The following ADGRG6 variants were observed in gnomAD, a reference collection of about 807,000 sequenced individuals.
The protein encoded by ADGRG6 is adhesion G protein-coupled receptor G6, also known as G-protein coupled receptor 126.
A neutral mutation model predicts 142.4 loss-of-function variants in ADGRG6; 84 were observed. That is an observed-to-expected ratio of 0.59 (90% CI 0.49 to 0.71). The LOEUF is 0.71. Among genes scored for constraint, ADGRG6 ranks in the 30% least tolerant of loss-of-function variants. ADGRG6 has a pLI of 0.00. For synonymous variants in ADGRG6, 521 were observed against 520.5 expected, an observed-to-expected ratio of 1.00 and a Z score of -0.01; for missense variants, 1,367 against 1,466.6, an observed-to-expected ratio of 0.93 and a Z score of 1.11.
At chr6:142,339,321 A>C (rs1779504376) in intron 2 of ADGRG6, among the ~76,000 whole-genome samples, 2 of 152,244 alleles carry the variant, frequency 1.3e-5, no homozygotes, top group South Asian at 4.1e-4. Context: ...GAATGCTTCC[A>C]GAAAAGCTGG....
intron 4 of ADGRG6, among the ~76,000 whole-genome samples, chr6:142,378,478 C>G (rs577778305): frequency 2.6e-5 from 4 of 152,264 alleles, no homozygotes; most frequent in African/African-American, 9.6e-5. Context: ...TAAGTACCTA[C>G]AAAAGGGAGG....
At chr6:142,414,650 C>A (rs896741987) in intron 18 of ADGRG6, among the ~76,000 whole-genome samples, 4 of 152,146 alleles carry the variant, frequency 2.6e-5, no homozygotes, top group Admixed American at 2.0e-4. Flanking sequence ...TTATGCAAGG[C>A]AACCGTCTCC....
chr6:142,408,295 T>G, intron 16 of ADGRG6, 26 bp downstream of exon 16: 1 of 1,508,292 alleles, frequency 6.6e-7, no homozygotes, highest in Admixed American at 2.1e-5. Flanking sequence ...CAATAGCATT[T>G]GGACAGAAGT....
chr6:142,393,198 A>G (rs891748249), intron 8 of ADGRG6, among the ~76,000 whole-genome samples, 198 bp downstream of exon 8: 6 of 152,130 alleles, frequency 3.9e-5, no homozygotes, highest in Non-Finnish European at 2.9e-5. Flanking sequence ...AACTGTTTTG[A>G]TCATGCATTA....
intron 4 of ADGRG6, among the ~76,000 whole-genome samples, chr6:142,376,945 C>CT (rs34962389): frequency 1.3e-5 from 2 of 152,286 alleles, no homozygotes; most frequent in South Asian, 4.1e-4. Context: ...ACACATCAGT[C>CT]TTTTTTACCA....
At chr6:142,413,464 A>G (rs1296270149) in intron 18 of ADGRG6, among the ~76,000 whole-genome samples, 8 of 152,314 alleles carry the variant, frequency 5.3e-5, no homozygotes, top group Non-Finnish European at 4.4e-5. Flanking sequence ...TTCATTCTCT[A>G]AAAGAACAAA....
intron 2 of ADGRG6, among the ~76,000 whole-genome samples, chr6:142,359,479 T>A (rs1401520553): frequency 6.6e-6 from 1 of 152,174 alleles, no homozygotes; most frequent in Non-Finnish European, 1.5e-5. Context: ...CCCAGGACAC[T>A]CTTTTCTGTT....
intron 21 of ADGRG6, among the ~76,000 whole-genome samples, chr6:142,418,260 G>A (rs1776469324): frequency 7.4e-6 from 1 of 135,378 alleles, no homozygotes; most frequent in Admixed American, 8.0e-5. Context: ...ATTGCACCAT[G>A]AACTCCAGCC....
intron 22 of ADGRG6, among the ~76,000 whole-genome samples, chr6:142,424,879 A>C (rs1217457974): frequency 1.3e-5 from 2 of 152,188 alleles, no homozygotes; most frequent in Non-Finnish European, 2.9e-5. Flanking sequence ...ATGTGTTACA[A>C]AAAAACATGA....
At chr6:142,318,256 TATTTA>T in intron 2 of ADGRG6, among the ~76,000 whole-genome samples, 2 of 70,646 alleles carry the variant, frequency 2.8e-5, no homozygotes, top group Non-Finnish European at 4.8e-5. Flanking sequence ...ATATTATATA[TATTTA>T]TTATATATAT....
At chr6:142,426,935 C>A (rs965105720) in intron 22 of ADGRG6, among the ~76,000 whole-genome samples, 1 of 152,094 alleles carries the variant, frequency 6.6e-6, no homozygotes, top group African/African-American at 2.4e-5. Context: ...TCACCAAGTC[C>A]CTAGACTGTA....
At chr6:142,336,501 A>G (rs1027621296) in intron 2 of ADGRG6, among the ~76,000 whole-genome samples, 1 of 152,276 alleles carries the variant, frequency 6.6e-6, no homozygotes, top group African/African-American at 2.4e-5. Flanking sequence ...AAATAACCAC[A>G]GCCCTTGGTT....
chr6:142,361,142 G>A (rs1416987279), intron 2 of ADGRG6, among the ~76,000 whole-genome samples: 1 of 152,154 alleles, frequency 6.6e-6, no homozygotes, highest in Non-Finnish European at 1.5e-5. Flanking sequence ...GTTCCCTTCA[G>A]GTCAGGCGTT....
intron 22 of ADGRG6, among the ~76,000 whole-genome samples, chr6:142,429,769 T>C (rs919998249): frequency 2.6e-5 from 4 of 152,320 alleles, no homozygotes; most frequent in Middle Eastern, 3.4e-3. Context: ...ACTCCAGAAC[T>C]GATCAGGTGT....
Position 142,326,301 on chromosome 6 carries a change from T to G in ADGRG6, c.103+16657T>G, listed in dbSNP as rs555174818. 1.5e-3 allele frequency among the ~76,000 whole-genome samples: 220 copies of G among 150,276 alleles called. 2 individuals are homozygous for G. Among genetic ancestry groups the G allele is most frequent in the Middle Eastern group, 6.9e-3 (2 of 290 alleles). On this transcript the variant is annotated intron_variant, in intron 2 of 24. Coordinates refer to ENST00000367609, the MANE Select transcript of ADGRG6 (RefSeq NM_198569.3). ...AACTTTATTGTTTCTCTGCATGTCC[T>G]CCCAGCAAAAAAAAAAAAAGATTTT...
At chr6:142,427,369 AAG>A (rs1776995649) in intron 22 of ADGRG6, among the ~76,000 whole-genome samples, 1 of 152,186 alleles carries the variant, frequency 6.6e-6, no homozygotes, top group Non-Finnish European at 1.5e-5. Flanking sequence ...GCTAAAACAC[AAG>A]AGTCACCTTT....
intron 15 of ADGRG6, among the ~76,000 whole-genome samples, chr6:142,407,777 A>G (rs895506880): frequency 8.5e-5 from 13 of 152,354 alleles, no homozygotes; most frequent in Middle Eastern, 6.8e-3. Flanking sequence ...CTTCTCTGAA[A>G]GAAAACAACA....
rs984933074 is a variant in ADGRG6, at chr6:142,446,258, G to A, written c.*2743G>A. 6.6e-6 allele frequency: 1 copy of A among 152,590 alleles called. No homozygotes were observed. The allele number at this position is 152,590 out of a possible 1,614,324, so 9.5% of individuals were successfully genotyped here. ...AATACTTATGTTGTTCATGTTCCAA[G>A]TTATTCAATTCCTTTATGAGTGAAT... On this transcript the variant is annotated 3_prime_UTR_variant, in exon 25 of 25. Coordinates refer to ENST00000367609, the MANE Select transcript of ADGRG6 (RefSeq NM_198569.3).
At chr6:142,356,102 C>G (rs920658594) in intron 2 of ADGRG6, among the ~76,000 whole-genome samples, 6 of 152,164 alleles carry the variant, frequency 3.9e-5, no homozygotes, top group African/African-American at 1.4e-4. Context: ...AACATTTTGG[C>G]AATGATGTGG....
Sources: allele counts gnomAD v4.1 joint callset (sites outside exome capture counted in the v4.1 genomes callset), GRCh38; gene constraint gnomAD v4.1.1; transcripts MANE v1.5; gene names NCBI Gene and HGNC (gene_info 2026-07-23, HGNC 2026-07-21).